UTRN: variants seen among roughly 807,000 people sequenced by gnomAD.
The protein encoded by UTRN is utrophin, also known as dystrophin-related protein 1.
UTRN carries 283 observed loss-of-function variants against 463.9 expected under a neutral mutation model. The observed-to-expected ratio is 0.61, with a 90% CI of 0.55 to 0.67. The LOEUF (loss-of-function observed/expected upper bound fraction) is 0.67, where lower values mean the gene tolerates loss of function less well. Ranked by LOEUF, UTRN falls within the 30% of genes least tolerant of loss-of-function variation. The probability of loss-of-function intolerance (pLI) is 0.00; values close to 1 mark genes in which losing one functional copy is unlikely to be tolerated. For missense variants in UTRN, 3,922 were observed against 4,084.3 expected, an observed-to-expected ratio of 0.96 and a Z score of 1.08; for synonymous variants, 1,442 against 1,431.5, an observed-to-expected ratio of 1.01 and a Z score of -0.17.
intron 2 of UTRN, among the ~76,000 whole-genome samples, chr6:144,346,157 G>T (rs1777546574): frequency 7.0e-6 from 1 of 143,308 alleles, no homozygotes; most frequent in Admixed American, 7.2e-5. Context: ...CAGCCTGGGT[G>T]AAAGAGCAAA....
At chr6:144,300,992 G>A (rs1805192643) in intron 2 of UTRN, among the ~76,000 whole-genome samples, 1 of 151,918 alleles carries the variant, frequency 6.6e-6, no homozygotes, top group African/African-American at 2.4e-5. Context: ...TCTCAGGGGT[G>A]GGAGGATGAA....
chr6:144,786,430 C>G (rs1427101957), intron 61 of UTRN, among the ~76,000 whole-genome samples: 1 of 152,136 alleles, frequency 6.6e-6, no homozygotes, highest in Admixed American at 6.5e-5. Context: ...GGATTACAGG[C>G]ACGCGCCACC....
At chr6:144,486,482 G>C (rs951439504) in intron 28 of UTRN, among the ~76,000 whole-genome samples, 3 of 152,222 alleles carry the variant, frequency 2.0e-5, no homozygotes, top group East Asian at 3.9e-4. Flanking sequence ...ATACTAGAAG[G>C]TAGTATATTG....
At chr6:144,678,719 C>G (rs1781902570) in intron 52 of UTRN, 141 bp downstream of exon 52, 16 of 831,650 alleles carry the variant, frequency 1.9e-5, no homozygotes, top group Non-Finnish European at 2.8e-5. Context: ...AATGCAAAGC[C>G]TGTTTCCTTG....
At chr6:144,496,963 G>C (rs943147420) in intron 33 of UTRN, among the ~76,000 whole-genome samples, 1 of 152,208 alleles carries the variant, frequency 6.6e-6, no homozygotes, top group Non-Finnish European at 1.5e-5. Flanking sequence ...AGAGCAGAGA[G>C]AGCCAGTGTG....
At chr6:144,620,263 T>G (rs1352653163) in intron 51 of UTRN, among the ~76,000 whole-genome samples, 2 of 152,218 alleles carry the variant, frequency 1.3e-5, no homozygotes, top group Non-Finnish European at 2.9e-5. Flanking sequence ...ACTCTCCATT[T>G]GCATTTTATT....
At chr6:144,610,129 C>A (rs1585549779) in intron 51 of UTRN, among the ~76,000 whole-genome samples, 2 of 118,150 alleles carry the variant, frequency 1.7e-5, no homozygotes, top group African/African-American at 3.2e-5. Context: ...AGAAAAATTT[C>A]AACAAAACTA....
At chr6:144,363,862 A>T (rs1292210054) in intron 2 of UTRN, among the ~76,000 whole-genome samples, 1 of 152,216 alleles carries the variant, frequency 6.6e-6, no homozygotes, top group East Asian at 1.9e-4. Context: ...GTAGCTATAA[A>T]AAGCATGCTG....
At chr6:144,292,802 C>T (rs115997393) in intron 2 of UTRN, among the ~76,000 whole-genome samples, 171 of 152,156 alleles carry the variant, frequency 1.1e-3, no homozygotes, top group African/African-American at 3.9e-3. Flanking sequence ...AAAAAGGAAC[C>T]CAAAGCCTGT....
At chr6:144,500,101 C>A (rs573271994) in intron 34 of UTRN, among the ~76,000 whole-genome samples, 1 of 152,230 alleles carries the variant, frequency 6.6e-6, no homozygotes, top group South Asian at 2.1e-4. Context: ...TTTGGTAGAA[C>A]AGTTTATTTT....
In UTRN at chr6:144,523,027, C is replaced by T. The variant is rs115433024; in HGVS notation, c.5745C>T (p.Asp1915=). 6,331 of 1,598,172 alleles carry T rather than the reference C, an allele frequency of 4.0e-3. 211 individuals carry two copies. In the African/African-American group the frequency reaches 0.074, roughly 19 times the overall value. ...CAATATATTTTTAGAATATCAAAGA[C>T]CAACTGGACAAACTTGGAGAGCAGA... is the stretch of plus-strand genomic sequence containing the variant. ...FQEDSLKNIK[D]QLDKLGEQIA... The change falls in exon 41 of 75, where the codon GAC becomes GAT. Residue 1915 remains aspartate, a synonymous_variant. Coordinates refer to ENST00000367545, the MANE Select transcript of UTRN (RefSeq NM_007124.3).
chr6:144,597,756 G>A (rs1918745), intron 51 of UTRN, among the ~76,000 whole-genome samples: 23,778 of 152,164 alleles, frequency 0.16, 2,086 homozygotes, highest in South Asian at 0.27. Flanking sequence ...AAGTCAATGT[G>A]AAGCCCATTC....
intron 2 of UTRN, among the ~76,000 whole-genome samples, chr6:144,357,941 C>A (rs6914753): frequency 0.088 from 13,329 of 152,256 alleles, 1,764 homozygotes; most frequent in African/African-American, 0.28. Context: ...TGGCTCCCTC[C>A]CCGCCATCTT....
At chr6:144,687,800 A>T (rs1251851022) in intron 52 of UTRN, among the ~76,000 whole-genome samples, 2 of 152,252 alleles carry the variant, frequency 1.3e-5, no homozygotes, top group South Asian at 4.1e-4. Flanking sequence ...GCATGTTGAC[A>T]TTAGATAGCC....
chr6:144,684,534 G>C (rs1304111704), intron 52 of UTRN, among the ~76,000 whole-genome samples: 1 of 152,030 alleles, frequency 6.6e-6, no homozygotes, highest in Non-Finnish European at 1.5e-5. Context: ...CTGTCATCTT[G>C]GCATCCCTGA....
intron 27 of UTRN, among the ~76,000 whole-genome samples, chr6:144,484,124 A>C (rs1044310773): frequency 6.6e-6 from 1 of 152,184 alleles, no homozygotes; most frequent in Non-Finnish European, 1.5e-5. Flanking sequence ...AGGGATTATA[A>C]ATTTATAAAT....
chr6:144,627,619 C>T (rs1283365412), intron 51 of UTRN, among the ~76,000 whole-genome samples: 2 of 152,128 alleles, frequency 1.3e-5, no homozygotes, highest in African/African-American at 4.8e-5. Context: ...CCCACTTCCT[C>T]CTTCCCTCCA....
intron 2 of UTRN, among the ~76,000 whole-genome samples, chr6:144,307,960 G>A (rs1805898396): frequency 6.6e-6 from 1 of 151,948 alleles, no homozygotes; most frequent in African/African-American, 2.4e-5. Flanking sequence ...TTTTGTGTGG[G>A]TTCTTTTCTC....
chr6:144,305,625 A>G (rs1387973564), intron 2 of UTRN, among the ~76,000 whole-genome samples: 1 of 152,244 alleles, frequency 6.6e-6, no homozygotes, highest in East Asian at 1.9e-4. Context: ...GAAAAGCTGA[A>G]GTGTAGTTGA....
Sources: gnomAD v4.1 joint callset for allele counts (sites outside exome capture counted in the v4.1 genomes callset) on GRCh38, gnomAD v4.1.1 for gene constraint, MANE v1.5 for transcripts, NCBI Gene and HGNC (gene_info 2026-07-23, HGNC 2026-07-21) for gene names.